Variants in HR observed in about 807,000 individuals in gnomAD.
HR encodes the protein lysine-specific demethylase hairless.
In HR, 83 loss-of-function variants were observed where a neutral mutation model predicts 128.6. The observed-to-expected ratio is 0.65, with a 90% CI of 0.54 to 0.77. The LOEUF (loss-of-function observed/expected upper bound fraction) is 0.77, where lower values mean the gene tolerates loss of function less well. Ranked by LOEUF, HR falls within the 30% of genes least tolerant of loss-of-function variation. The pLI is 0.00. For missense variants in HR, 1,490 were observed against 1,574.6 expected, an observed-to-expected ratio of 0.95 and a Z score of 0.91; for synonymous variants, 681 against 658.2, an observed-to-expected ratio of 1.03 and a Z score of -0.53.
Position 22,116,306 on chromosome 8 carries a change from A to G in HR, c.3501T>C (p.Tyr1167=), listed in dbSNP as rs373213254. The change falls in exon 18 of 19, where the codon TAT becomes TAC. Residue 1167 remains tyrosine (Y), a synonymous_variant. Coordinates refer to ENST00000381418, the MANE Select transcript of HR (RefSeq NM_005144.5). This position sits in a 1 kb window ranked among gnomAD's most constrained non-coding sequence, Gnocchi z 4.2. ...TGGCCCACATCCCACTCACCTGGGCATAAAGCAGGTGGCAGTCAGGGGGAA... is the reference window on the plus strand; with the variant it reads ...TGGCCCACATCCCACTCACCTGGGCGTAAAGCAGGTGGCAGTCAGGGGGAA... ...PSLPPDCHLL[Y]AQMDWAVFQA... 6.2e-7 allele frequency: 1 copy of G among 1,612,204 alleles called. No individual in the cohort carries two copies. Among genetic ancestry groups the G allele is most frequent in the African/African-American group, 1.3e-5 (1 of 75,006 alleles).
chr8:22,130,211 G>GGC (rs1827014264), intron 1 of HR, among the ~76,000 whole-genome samples: 2 of 152,382 alleles, frequency 1.3e-5, no homozygotes, highest in African/African-American at 4.8e-5. Context: ...CGAAGCCCCA[G>GGC]GCGGGAGGTG....
rs567795970 is a variant in HR at position 22,115,242 on chromosome 8, C to T, written c.*458G>A. The T allele has an allele frequency of 3.0e-5, 7 of 234,542 alleles. No homozygotes were observed. The East Asian group carries it at 5.5e-4, about 18-fold the overall frequency. 14.5% of individuals were successfully genotyped at this position (234,542 alleles called of 1,614,324 possible). On this transcript the variant is annotated 3_prime_UTR_variant, in exon 19 of 19. Transcript: ENST00000381418. ...CAGGAGGGCAGAAGGTTGGAGGCCC[C>T]TTGTTCAGCATGCCTGCAGTGAGCC...
At chr8:22,122,013 AAC>A (rs934675755) in intron 8 of HR, among the ~76,000 whole-genome samples, 6 of 152,214 alleles carry the variant, frequency 3.9e-5, no homozygotes, top group African/African-American at 1.4e-4. Context: ...ATGGGTATAT[AAC>A]ACAGTGTCTG....
At position 22,123,009 on chromosome 8, in the gene HR, A is replaced by T. The variant is rs1826795136; in HGVS notation, c.1916-130T>A. On this transcript the variant is annotated intron_variant, in intron 6 of 18. Transcript: ENST00000381418. ...TCCACAAAACTCGTGCTTTCTGGGA[A>T]ACCTGGGTCACATAGAGACACAGCA... 3.6e-6 allele frequency: 3 copies of T among 825,858 alleles called. No individual in the cohort carries two copies. In the South Asian group the frequency reaches 4.3e-5, roughly 12 times the overall value. 51.2% of individuals were successfully genotyped at this position (825,858 alleles called of 1,614,324 possible). A position where few individuals can be genotyped will look rare whatever the true frequency, so the allele number is the denominator to read the frequency against.
At position 22,122,891 on chromosome 8, in the gene HR, G is replaced by A. The variant is rs1203132039; in HGVS notation, c.1916-12C>T. On this transcript the variant is annotated splice_polypyrimidine_tract_variant and intron_variant, in intron 6 of 18. Transcript: ENST00000381418. ...CTGCTCCTGAAAGCCTGTGGGGCAGGAAGGGAAAAGCTGCAGGTCCAGAAA... is the reference window on the plus strand; with the variant it reads ...CTGCTCCTGAAAGCCTGTGGGGCAGAAAGGGAAAAGCTGCAGGTCCAGAAA... The A allele has an allele frequency of 6.4e-7, 1 of 1,550,942 alleles. No individual in the cohort carries two copies. Among genetic ancestry groups the A allele is most frequent in the Non-Finnish European group, 8.7e-7 (1 of 1,146,894 alleles).
At chr8:22,125,543 G>A in intron 4 of HR, 39 bp from the exon 5 acceptor site, 2 of 1,613,010 alleles carry the variant, frequency 1.2e-6, no homozygotes, top group Non-Finnish European at 1.7e-6. Context: ...GGGAGCCCTG[G>A]CGAGGGGGCA....
At chr8:22,118,052 CTG>C in intron 16 of HR, 1 of 152,480 alleles carries the variant, frequency 6.6e-6, no homozygotes, top group Non-Finnish European at 1.5e-5. Context: ...AAGAGGCCAT[CTG>C]TGTGTGGAGG....
At position 22,122,958 on chromosome 8, in the gene HR, GA is replaced by G. The variant is rs1210127376; in HGVS notation, c.1916-80del. 1.2e-5 allele frequency: 16 copies of G among 1,360,680 alleles called. No individual in the cohort carries two copies. The Admixed American group carries it at 3.2e-4, about 27-fold the overall frequency. 84.3% of individuals were successfully genotyped at this position (1,360,680 alleles called of 1,614,324 possible). A position where few individuals can be genotyped will look rare whatever the true frequency, so the allele number is the denominator to read the frequency against. On this transcript the variant is annotated intron_variant, in intron 6 of 18. Transcript: ENST00000381418. The stretch of plus-strand genomic sequence containing the variant: ...TTAAGGTCAGAGAAGGTCAGGACAT[GA>G]TACCTAAACCAGGGGACTCAATAGT...
intron 5 of HR, among the ~76,000 whole-genome samples, chr8:22,124,411 A>G (rs764692040): frequency 1.3e-5 from 2 of 152,194 alleles, no homozygotes; most frequent in African/African-American, 4.8e-5. Context: ...GGGGTTTTCT[A>G]AGAACCAAGT....
intron 16 of HR, 183 bp downstream of exon 16, chr8:22,118,767 C>T: frequency 1.6e-6 from 1 of 612,310 alleles, no homozygotes; most frequent in Non-Finnish European, 2.9e-6. Flanking sequence ...TTCTCTGAGC[C>T]CCACGGCAGA....
At position 22,130,625 on chromosome 8, in the gene HR, G is replaced by A. The variant is rs1827027675; in HGVS notation, c.-238C>T. On this transcript the variant is annotated 5_prime_UTR_variant, in exon 1 of 19. Coordinates refer to ENST00000381418, the MANE Select transcript of HR (RefSeq NM_005144.5). Reference sequence around the variant, plus strand: ...CGCTCTAGGGCCGCAGGTTGGAGGGGTCGGACTCCGGGATCTGCAGGATGC... The same window carrying A: ...CGCTCTAGGGCCGCAGGTTGGAGGGATCGGACTCCGGGATCTGCAGGATGC... The A allele has an allele frequency of 6.6e-6, 1 of 152,286 alleles. No individual in the cohort carries two copies. The highest frequency in any genetic ancestry group is 1.5e-5 in the Non-Finnish European group (1 of 68,100). The allele number at this position is 152,286 out of a possible 1,614,324, so 9.4% of individuals were successfully genotyped here.
In HR at chr8:22,123,750, T is replaced by C. The variant is rs781120891; in HGVS notation, c.1814A>G (p.His605Arg). ...TCGCCAGTGGGTGTTGAAGAGTCCA[T>C]GGTGGCAACGGCTGCAGCAGCGTGG... is the stretch of plus-strand genomic sequence containing the variant. ...GIPRCCSRCHHGLFNTHWRCP... is the reference protein window; with the variant it reads ...GIPRCCSRCHRGLFNTHWRCP... The change falls in exon 6 of 19, where the codon CAT becomes CGT. Residue 605 changes from histidine (H) to arginine (R), a missense_variant. Coordinates refer to ENST00000381418, the MANE Select transcript of HR (RefSeq NM_005144.5). The C allele has an allele frequency of 2.7e-5, 43 of 1,600,014 alleles. No homozygotes were observed. Among genetic ancestry groups the C allele is most frequent in the Non-Finnish European group, 3.1e-5 (37 of 1,177,140 alleles).
At chr8:22,118,884 G>C in intron 16 of HR, 66 bp downstream of exon 16, 1 of 1,368,212 alleles carries the variant, frequency 7.3e-7, no homozygotes, top group Non-Finnish European at 1.0e-6. Context: ...CGCACACTGG[G>C]GTGGGACTGG....
Position 22,128,898 on chromosome 8 carries a change from C to G in HR, c.273G>C (p.Leu91=). Residue 91 remains leucine (L), a synonymous_variant, in exon 2 of 19, where the codon CTG becomes CTC. Transcript: ENST00000381418. ...TCCAGCGCAGTCCCTCTTTGCTGCC[C>G]AGCCAGTTGACCTTCCTCTCCCCAT... ...PQNGERKVNW[L]GSKEGLRWKE... The G allele has an allele frequency of 6.2e-7, 1 of 1,613,510 alleles. No individual in the cohort carries two copies. Among genetic ancestry groups the G allele is most frequent in the Non-Finnish European group, 8.5e-7 (1 of 1,180,020 alleles).
intron 5 of HR, 130 bp downstream of exon 5, chr8:22,125,181 C>T (rs530250683): frequency 2.2e-6 from 2 of 895,756 alleles, no homozygotes; most frequent in Admixed American, 5.1e-5. Context: ...TCCTGATGTC[C>T]CCACCCAGGC....
chr8:22,122,685 T>C, intron 7 of HR, 77 bp from the exon 8 acceptor site: 1 of 1,488,220 alleles, frequency 6.7e-7, no homozygotes, highest in Non-Finnish European at 9.2e-7. Flanking sequence ...AGCTTGGCCT[T>C]GCCAAGCAGA....
At chr8:22,120,653 A>T in intron 11 of HR, 63 bp downstream of exon 11, 1 of 1,535,584 alleles carries the variant, frequency 6.5e-7, no homozygotes, top group Non-Finnish European at 8.7e-7. Flanking sequence ...GGGCCTAGGG[A>T]CCAAGGCCCC....
In HR at chr8:22,116,414, C is replaced by T; in HGVS notation, c.3393G>A (p.Val1131=). Residue 1131 remains valine (V), a synonymous_variant, in exon 18 of 19, where the codon GTG becomes GTA. Transcript: ENST00000381418. This position sits in a 1 kb window ranked among gnomAD's most constrained non-coding sequence, Gnocchi z 4.2. The part of the protein sequence containing the change: ...AGAPHQVQGL[V]STVSVTQHFL... Reference sequence around the variant, plus strand: ...AGTGCTGAGTGACGCTGACTGTGCTCACCAGGCCCTGCACCTGTGTCGGGG... The same window carrying T: ...AGTGCTGAGTGACGCTGACTGTGCTTACCAGGCCCTGCACCTGTGTCGGGG... 6.2e-7 allele frequency: 1 copy of T among 1,613,722 alleles called. No homozygotes were observed. The highest frequency in any genetic ancestry group is 1.3e-5 in the African/African-American group (1 of 75,030).
chr8:22,127,930 A>G (rs1250396206), intron 2 of HR, 101 bp from the exon 3 acceptor site: 1 of 1,176,548 alleles, frequency 8.5e-7, no homozygotes, highest in Non-Finnish European at 1.3e-6. Context: ...AGAATACTGA[A>G]GCCCTCACAT....
Sources: allele counts gnomAD v4.1 joint callset (sites outside exome capture counted in the v4.1 genomes callset), GRCh38; gene constraint gnomAD v4.1.1; non-coding constraint Gnocchi (gnomAD v3.1); transcripts MANE v1.5; gene names NCBI Gene and HGNC (gene_info 2026-07-23, HGNC 2026-07-21).